The following MTOR variants were observed in gnomAD, a reference collection of about 807,000 sequenced individuals.
MTOR encodes the protein mechanistic target of rapamycin kinase.
MTOR carries 70 observed loss-of-function variants against 319.8 expected under a neutral mutation model. That is an observed-to-expected ratio of 0.22 (90% CI 0.18 to 0.27). The LOEUF (loss-of-function observed/expected upper bound fraction) is 0.27, where lower values mean the gene tolerates loss of function less well. Among genes scored for constraint, MTOR ranks in the 10% least tolerant of loss-of-function variants. The pLI, the probability that MTOR is intolerant of heterozygous loss-of-function variation, is 1.00. For synonymous variants in MTOR, 1,183 were observed against 1,211.4 expected (o/e 0.98, Z 0.49); for missense variants, 1,890 against 3,274.4 (o/e 0.58, Z 10.32).
intron 10 of MTOR, 94 bp from the exon 11 acceptor site, chr1:11,240,641 A>G: frequency 1.4e-6 from 2 of 1,466,662 alleles, no homozygotes; most frequent in Non-Finnish European, 9.2e-7. Context: ...CAAGGGGATC[A>G]GGCCTCTGTT....
Position 11,130,528 on chromosome 1 carries a change from C to T in MTOR, c.5613+1G>A, listed in dbSNP as rs2100429431. ...GTTAATAAGGAAGAAGGGAAGGGTA[C>T]CTCAGTGACCTTCTTCTGCAGCGGC... On this transcript the variant is annotated splice_donor_variant, in intron 39 of 57. Transcript: ENST00000361445. LOFTEE classifies it high-confidence loss of function. The T allele has an allele frequency of 6.2e-7, 1 of 1,612,176 alleles. No homozygotes were observed. Among genetic ancestry groups the T allele is most frequent in the Non-Finnish European group, 8.5e-7 (1 of 1,179,058 alleles).
intron 20 of MTOR, among the ~76,000 whole-genome samples, chr1:11,214,357 A>G (rs988579103): frequency 6.6e-6 from 1 of 152,258 alleles, no homozygotes; most frequent in Admixed American, 6.5e-5. Flanking sequence ...AACTTGGCCA[A>G]CTGGCCACAG....
chr1:11,113,175 C>T (rs1332349897), intron 53 of MTOR, among the ~76,000 whole-genome samples: 3 of 152,164 alleles, frequency 2.0e-5, no homozygotes, highest in Non-Finnish European at 4.4e-5. Flanking sequence ...GATTTAATTT[C>T]AATGGATTAG....
At chr1:11,181,258 A>G (rs952220408) in intron 28 of MTOR, among the ~76,000 whole-genome samples, 1 of 151,384 alleles carries the variant, frequency 6.6e-6, no homozygotes, top group African/African-American at 2.4e-5. Context: ...CTTGCTGATC[A>G]TCTTCCTAAG....
intron 19 of MTOR, among the ~76,000 whole-genome samples, chr1:11,228,010 T>C (rs1557449881): frequency 6.6e-6 from 1 of 152,084 alleles, no homozygotes; most frequent in Non-Finnish European, 1.5e-5. Context: ...TGAGATCCAG[T>C]AAGAAGCATT....
rs752790582 is a variant in MTOR at position 11,127,162 on chromosome 1, C to G, written c.6217-18G>C. ...CCATAGGCCTGAGAGAGAAAGCAGG[C>G]ACGTTTTCAAGTTATCAAAGTCTCA... On this transcript the variant is annotated intron_variant, in intron 44 of 57. Coordinates refer to ENST00000361445, the MANE Select transcript of MTOR (RefSeq NM_004958.4). This position sits in a 1 kb window ranked among gnomAD's most constrained non-coding sequence, Gnocchi z 5.5. The G allele has an allele frequency of 1.2e-6, 2 of 1,613,170 alleles. No individual in the cohort carries two copies. Among genetic ancestry groups the G allele is most frequent in the Admixed American group, 3.3e-5 (2 of 59,852 alleles).
chr1:11,228,984 G>A, intron 18 of MTOR, 66 bp from the exon 19 acceptor site: 1 of 1,577,976 alleles, frequency 6.3e-7, no homozygotes, highest in Non-Finnish European at 8.7e-7. Context: ...GCAGAGCATG[G>A]TTAGTAACAA....
chr1:11,181,823 T>C (rs1645153370), intron 28 of MTOR, among the ~76,000 whole-genome samples: 1 of 152,254 alleles, frequency 6.6e-6, no homozygotes, highest in Admixed American at 6.5e-5. Context: ...TGTCTTAGGC[T>C]TTATGCTAAG....
intron 28 of MTOR, among the ~76,000 whole-genome samples, chr1:11,184,867 G>A (rs1279112403): frequency 3.3e-5 from 5 of 152,154 alleles, no homozygotes; most frequent in Non-Finnish European, 5.9e-5. Flanking sequence ...GATCAGTCCC[G>A]CTCCTCACCT....
In MTOR at chr1:11,212,545, G is replaced by A. The variant is rs1646345695; in HGVS notation, c.3399-71C>T. 6.5e-7 allele frequency: 1 copy of A among 1,540,266 alleles called. No individual in the cohort carries two copies. The highest frequency in any genetic ancestry group is 8.8e-7 in the Non-Finnish European group (1 of 1,137,012). ...AAGGAAGAGACGTGACTGAGGGTGAGCTTAACAATCAGCACCAAAGGGATG... is the reference window on the plus strand; with the variant it reads ...AAGGAAGAGACGTGACTGAGGGTGAACTTAACAATCAGCACCAAAGGGATG... On this transcript the variant is annotated intron_variant, in intron 22 of 57. Coordinates refer to ENST00000361445, the MANE Select transcript of MTOR (RefSeq NM_004958.4). The surrounding 1 kb of genome is among the most constrained non-coding windows in gnomAD (Gnocchi z 4.1).
intron 28 of MTOR, among the ~76,000 whole-genome samples, chr1:11,191,736 A>C (rs1222565262): frequency 6.6e-6 from 1 of 152,188 alleles, no homozygotes. Flanking sequence ...TGCTAGCTGG[A>C]TGGAAGGGGA....
intron 28 of MTOR, chr1:11,193,845 T>C (rs977759567): frequency 1.2e-4 from 179 of 1,458,824 alleles, no homozygotes; most frequent in Non-Finnish European, 1.6e-4. Flanking sequence ...ACTCCGGGGG[T>C]GCCATTCCTA....
At chr1:11,150,031 G>T in intron 31 of MTOR, 95 bp downstream of exon 31, 1 of 1,051,608 alleles carries the variant, frequency 9.5e-7, no homozygotes, top group South Asian at 1.4e-5. Context: ...CATAGACCTG[G>T]ATCTCCACCT....
At chr1:11,180,995 T>C (rs1645128382) in intron 28 of MTOR, among the ~76,000 whole-genome samples, 1 of 152,156 alleles carries the variant, frequency 6.6e-6, no homozygotes, top group South Asian at 2.1e-4. Context: ...CAGGATGGTC[T>C]TGATATCTTG....
intron 24 of MTOR, 129 bp from the exon 25 acceptor site, chr1:11,209,587 C>CTTTT (rs1276784515): frequency 1.9e-6 from 2 of 1,078,322 alleles, no homozygotes; most frequent in Non-Finnish European, 2.7e-6. Flanking sequence ...AAAAGTTGCA[C>CTTTT]ATATGGACAA....
chr1:11,130,997 T>A lies in MTOR; in HGVS notation c.5365-220A>T, dbSNP rs1643122186. On this transcript the variant is annotated intron_variant, in intron 38 of 57. Coordinates refer to ENST00000361445, the MANE Select transcript of MTOR (RefSeq NM_004958.4). Reference sequence around the variant, plus strand: ...ACTATATAACGTACTATGAGTGCACTGCGAGAAGGGCACAGCAAGAGGAGC... The same window carrying A: ...ACTATATAACGTACTATGAGTGCACAGCGAGAAGGGCACAGCAAGAGGAGC... The A allele has an allele frequency of 6.5e-6, 4 of 613,972 alleles. No homozygotes were observed. In the South Asian group the frequency reaches 8.1e-5, roughly 12 times the overall value. 38.0% of individuals were successfully genotyped at this position (613,972 alleles called of 1,614,324 possible). A position where few individuals can be genotyped will look rare whatever the true frequency, so the allele number is the denominator to read the frequency against.
chr1:11,184,382 T>G (rs190930451), intron 28 of MTOR, among the ~76,000 whole-genome samples: 17 of 152,324 alleles, frequency 1.1e-4, no homozygotes, highest in Admixed American at 5.2e-4. Context: ...GTATTTAATA[T>G]GAATGCATTA....
chr1:11,156,074 T>G (rs1223029272), intron 30 of MTOR, among the ~76,000 whole-genome samples: 1 of 152,192 alleles, frequency 6.6e-6, no homozygotes, highest in Non-Finnish European at 1.5e-5. Flanking sequence ...CACTGCAACC[T>G]CCGCCTCCCG....
At chr1:11,142,824 C>T (rs1326957021) in intron 34 of MTOR, among the ~76,000 whole-genome samples, 2 of 152,194 alleles carry the variant, frequency 1.3e-5, no homozygotes, top group Non-Finnish European at 2.9e-5. Context: ...GTAAGGCTGA[C>T]CTCTCTAACT....
Sources: gnomAD v4.1 joint callset for allele counts (sites outside exome capture counted in the v4.1 genomes callset) on GRCh38, gnomAD v4.1.1 for gene constraint, Gnocchi (gnomAD v3.1) non-coding constraint, MANE v1.5 for transcripts, NCBI Gene and HGNC (gene_info 2026-07-23, HGNC 2026-07-21) for gene names.